AHCYL2: variants seen among roughly 807,000 people sequenced by gnomAD.
AHCYL2 encodes adenosylhomocysteinase like 2.
AHCYL2 carries 28 observed loss-of-function variants against 81.4 expected under a neutral mutation model. The ratio of observed to expected loss-of-function variants is 0.34; its 90% CI spans 0.25 to 0.47. The LOEUF is 0.47. Among genes scored for constraint, AHCYL2 ranks in the 20% least tolerant of loss-of-function variants. AHCYL2 has a pLI of 1.00. For missense variants in AHCYL2, 551 were observed against 785.1 expected (o/e 0.70, Z 3.56); for synonymous variants, 272 against 290.2 (o/e 0.94, Z 0.64).
intron 1 of AHCYL2, among the ~76,000 whole-genome samples, chr7:129,366,495 A>G (rs1794121188): frequency 6.6e-6 from 1 of 152,182 alleles, no homozygotes; most frequent in Admixed American, 6.5e-5. Context: ...TATTTTGCCA[A>G]GGTTGGCCAG....
chr7:129,303,108 C>T (rs1231173340), intron 1 of AHCYL2, among the ~76,000 whole-genome samples: 1 of 152,172 alleles, frequency 6.6e-6, no homozygotes, highest in African/African-American at 2.4e-5. Flanking sequence ...TCAAGTAATT[C>T]CCCTGCTTCA....
At chr7:129,394,789 A>G (rs538634172) in intron 4 of AHCYL2, among the ~76,000 whole-genome samples, 13 of 152,260 alleles carry the variant, frequency 8.5e-5, no homozygotes, top group African/African-American at 2.9e-4. Context: ...GAAATTTTCT[A>G]TCTATTCATA....
At chr7:129,320,196 T>C (rs1422936487) in intron 1 of AHCYL2, among the ~76,000 whole-genome samples, 1 of 152,214 alleles carries the variant, frequency 6.6e-6, no homozygotes, top group Admixed American at 6.5e-5. Context: ...TAATTTTTAA[T>C]TGGGTTGTTT....
chr7:129,270,864 C>T (rs933000092), intron 1 of AHCYL2, among the ~76,000 whole-genome samples: 2 of 152,136 alleles, frequency 1.3e-5, no homozygotes, highest in African/African-American at 4.8e-5. Flanking sequence ...AATTTGTTAC[C>T]TGGGGTTGTC....
chr7:129,400,460 G>A, intron 6 of AHCYL2, 76 bp downstream of exon 6: 5 of 1,362,350 alleles, frequency 3.7e-6, no homozygotes, highest in African/African-American at 1.5e-5. Context: ...CCTAGGAGAG[G>A]GTTTCCCAAC....
intron 1 of AHCYL2, among the ~76,000 whole-genome samples, chr7:129,287,487 C>T (rs1025683862): frequency 1.3e-5 from 2 of 152,116 alleles, no homozygotes; most frequent in Admixed American, 6.5e-5. Flanking sequence ...AGCACTGTAC[C>T]GGGAGTAAGT....
intron 4 of AHCYL2, among the ~76,000 whole-genome samples, chr7:129,395,261 G>T (rs764837038): frequency 2.0e-5 from 3 of 152,156 alleles, no homozygotes; most frequent in African/African-American, 7.2e-5. Flanking sequence ...TCAAGTACCT[G>T]CCTCATCTGC....
Position 129,399,141 on chromosome 7 carries a change from C to CAAAAAAAAA in AHCYL2, c.824-1134_824-1126dup, listed in dbSNP as rs71162600. On this transcript the variant is annotated intron_variant, in intron 5 of 16. Coordinates refer to ENST00000325006, the MANE Select transcript of AHCYL2 (RefSeq NM_015328.4). The stretch of plus-strand genomic sequence containing the variant: ...TGGGTGACAGAGTGAGACTCCATCT[C>CAAAAAAAAA]AAAAAAAAAAAAAAAAAAAAAAAGA... Among the ~76,000 whole-genome samples the CAAAAAAAAA allele has an allele frequency of 2.7e-4, 12 of 44,948 alleles. 1 individual carries two copies. The highest frequency in any genetic ancestry group is 1.1e-3 in the African/African-American group (11 of 9,572). The allele number at this position is 44,948 out of a possible 152,430, so 29.5% of individuals were successfully genotyped here.
intron 1 of AHCYL2, among the ~76,000 whole-genome samples, chr7:129,271,301 C>T (rs1796004078): frequency 7.0e-6 from 1 of 143,160 alleles, no homozygotes; most frequent in Admixed American, 7.4e-5. Context: ...GTGGAGCTTG[C>T]AGTGAGCCGA....
chr7:129,389,347 C>T, intron 3 of AHCYL2, 148 bp downstream of exon 3: 1 of 861,890 alleles, frequency 1.2e-6, no homozygotes, highest in Non-Finnish European at 1.7e-6. Flanking sequence ...TCAAGAAACA[C>T]TGGGGAAATC....
At chr7:129,298,291 C>T (rs71577853) in intron 1 of AHCYL2, among the ~76,000 whole-genome samples, 3,754 of 152,196 alleles carry the variant, frequency 0.025, 78 homozygotes, top group Admixed American at 0.058. Flanking sequence ...TTAGGAAATA[C>T]AAGGTAGCCT....
intron 2 of AHCYL2, among the ~76,000 whole-genome samples, chr7:129,386,459 G>T (rs1298563137): frequency 2.0e-5 from 3 of 147,232 alleles, no homozygotes; most frequent in Non-Finnish European, 4.5e-5. Flanking sequence ...TAAGACCCTG[G>T]CTCAAAAAAA....
intron 1 of AHCYL2, among the ~76,000 whole-genome samples, chr7:129,359,711 C>G (rs145757590): frequency 6.6e-6 from 1 of 152,274 alleles, no homozygotes; most frequent in Non-Finnish European, 1.5e-5. Context: ...TCTTTGAGAA[C>G]AGCTTTAGCT....
At chr7:129,292,234 A>G (rs1563183725) in intron 1 of AHCYL2, among the ~76,000 whole-genome samples, 1 of 152,230 alleles carries the variant, frequency 6.6e-6, no homozygotes, top group Non-Finnish European at 1.5e-5. Context: ...ATTCTCATAC[A>G]TGAGTCCTAA....
intron 1 of AHCYL2, among the ~76,000 whole-genome samples, chr7:129,280,192 G>C (rs968998009): frequency 3.1e-3 from 12 of 3,814 alleles, no homozygotes; most frequent in African/African-American, 4.3e-3. Context: ...TTTTTTTTGA[G>C]AGAGTCTCGC....
At chr7:129,277,217 A>G (rs1796247364) in intron 1 of AHCYL2, among the ~76,000 whole-genome samples, 1 of 152,132 alleles carries the variant, frequency 6.6e-6, no homozygotes, top group African/African-American at 2.4e-5. Flanking sequence ...CATGTCTAAA[A>G]CCATGAAACT....
intron 1 of AHCYL2, among the ~76,000 whole-genome samples, chr7:129,343,658 C>T (rs1057117481): frequency 1.3e-5 from 2 of 152,112 alleles, no homozygotes; most frequent in Non-Finnish European, 2.9e-5. Context: ...AACTTTGTTT[C>T]TGATCTCATT....
chr7:129,401,347 C>G (rs895098593), intron 6 of AHCYL2, among the ~76,000 whole-genome samples: 35 of 150,942 alleles, frequency 2.3e-4, no homozygotes, highest in African/African-American at 8.0e-4. Flanking sequence ...GTGCCCCCCC[C>G]CAAAAAAGCT....
At chr7:129,413,845 TG>T (rs2150953905) in intron 12 of AHCYL2, among the ~76,000 whole-genome samples, 157 bp downstream of exon 12, 1 of 152,338 alleles carries the variant, frequency 6.6e-6, no homozygotes, top group Non-Finnish European at 1.5e-5. Context: ...CCTGTGTTTT[TG>T]GAGACTATAA....
Sources: allele counts gnomAD v4.1 joint callset (sites outside exome capture counted in the v4.1 genomes callset), GRCh38; gene constraint gnomAD v4.1.1; transcripts MANE v1.5; gene names NCBI Gene and HGNC (gene_info 2026-07-23, HGNC 2026-07-21).